DENND4C: variants seen among roughly 807,000 people sequenced by gnomAD.
DENND4C encodes DENN domain-containing protein 4C.
DENND4C carries 108 observed loss-of-function variants against 203.0 expected under a neutral mutation model. The ratio of observed to expected loss-of-function variants is 0.53; its 90% CI spans 0.46 to 0.62. DENND4C has a LOEUF of 0.62. Among genes scored for constraint, DENND4C ranks in the 20% least tolerant of loss-of-function variants. The probability of loss-of-function intolerance (pLI) is 0.00; values close to 1 mark genes in which losing one functional copy is unlikely to be tolerated. For synonymous variants in DENND4C, 871 were observed against 792.4 expected (o/e 1.10, Z -1.67); for missense variants, 2,481 against 2,301.2 (o/e 1.08, Z -1.60).
Position 19,346,932 on chromosome 9 carries a change from G to T in DENND4C, c.4163G>T (p.Gly1388Val). The T allele has an allele frequency of 1.2e-6, 2 of 1,614,128 alleles. No individual in the cohort carries two copies. The highest frequency in any genetic ancestry group is 1.7e-6 in the Non-Finnish European group (2 of 1,180,016). Reference protein sequence around the residue: ...LVRSSPHGSLGSVVNSLSGLK... With the variant: ...LVRSSPHGSLVSVVNSLSGLK... ...CGTTCTTCGCCACATGGCTCGTTGGGTTCTGTAGTAAATTCTTTGTCAGGG... is the reference window on the plus strand; with the variant it reads ...CGTTCTTCGCCACATGGCTCGTTGGTTTCTGTAGTAAATTCTTTGTCAGGG... Residue 1388 changes from glycine (G) to valine (V), a missense_variant, in exon 23 of 33, where the codon GGT becomes GTT. Gly to Val is a moderately radical substitution (Grantham distance 109). Transcript: ENST00000434457.
intron 1 of DENND4C, among the ~76,000 whole-genome samples, chr9:19,240,133 G>T (rs774927364): frequency 6.6e-5 from 10 of 151,874 alleles, no homozygotes; most frequent in Non-Finnish European, 1.3e-4. Context: ...TTTAACTAGG[G>T]GGATACATTC....
intron 6 of DENND4C, 55 bp from the exon 7 acceptor site, chr9:19,298,001 C>T (rs1329794280): frequency 7.4e-7 from 1 of 1,354,892 alleles, no homozygotes; most frequent in Non-Finnish European, 1.0e-6. Flanking sequence ...TTGTTAAAAA[C>T]TGTGATGCAT....
chr9:19,254,581 G>T lies in DENND4C; in HGVS notation c.-17-21577G>T, dbSNP rs1240778363. ...CATACAAGGGTGGTTGCTAGTGCCT[G>T]GGGAGGAGGTAGGGGAAATAGGGAG... On this transcript the variant is annotated intron_variant, in intron 1 of 32. Coordinates refer to ENST00000434457, the MANE Select transcript of DENND4C (RefSeq NM_001330640.2). 2.6e-5 allele frequency among the ~76,000 whole-genome samples: 4 copies of T among 152,148 alleles called. No homozygotes were observed. The East Asian group carries it at 5.8e-4, about 22-fold the overall frequency.
chr9:19,332,517 A>ATTTTT (rs11310338), intron 17 of DENND4C, among the ~76,000 whole-genome samples: 2 of 130,208 alleles, frequency 1.5e-5, no homozygotes, highest in African/African-American at 2.9e-5. Flanking sequence ...TACCTGGCTA[A>ATTTTT]TTTTTTTTTT....
At chr9:19,329,516 A>G (rs1030931208) in intron 16 of DENND4C, among the ~76,000 whole-genome samples, 4 of 152,208 alleles carry the variant, frequency 2.6e-5, no homozygotes, top group African/African-American at 2.4e-5. Context: ...ACATTTGTGT[A>G]TAAGTGTTAA....
rs1828986789 is a variant in DENND4C at position 19,372,318 on chromosome 9, T to G, written c.*145T>G. 2.1e-6 allele frequency: 2 copies of G among 971,406 alleles called. No homozygotes were observed. The highest frequency in any genetic ancestry group is 3.0e-6 in the Non-Finnish European group (2 of 671,478). The allele number at this position is 971,406 out of a possible 1,614,324, so 60.2% of individuals were successfully genotyped here. On this transcript the variant is annotated 3_prime_UTR_variant, in exon 33 of 33. Coordinates refer to ENST00000434457, the MANE Select transcript of DENND4C (RefSeq NM_001330640.2). ...GGGACAATATATAATGAATTATGATTCATATTGCATTACCTTGAAATATGA... is the reference window on the plus strand; with the variant it reads ...GGGACAATATATAATGAATTATGATGCATATTGCATTACCTTGAAATATGA...
At position 19,290,768 on chromosome 9, in the gene DENND4C, T is replaced by C. The variant is rs1836136919; in HGVS notation, c.693T>C (p.Pro231=). Residue 231 remains proline (P), a synonymous_variant, in exon 5 of 33, where the codon CCT becomes CCC. Coordinates refer to ENST00000434457, the MANE Select transcript of DENND4C (RefSeq NM_001330640.2). ...ESFPLSESDV[P]LFCLPMGATI... is the part of the protein sequence containing the mutation. ...TTCCACTCTCAGAATCAGATGTACC[T>C]CTTTTCTGCCTTCCTATGGGAGCTA... is the stretch of plus-strand genomic sequence containing the variant. 1 of 1,603,338 alleles carries C rather than the reference T, an allele frequency of 6.2e-7. No individual in the cohort carries two copies. The highest frequency in any genetic ancestry group is 8.5e-7 in the Non-Finnish European group (1 of 1,174,292).
chr9:19,235,078 C>T (rs1221297647), intron 1 of DENND4C, among the ~76,000 whole-genome samples: 1 of 151,794 alleles, frequency 6.6e-6, no homozygotes, highest in Non-Finnish European at 1.5e-5. Flanking sequence ...ATTCTCCCTG[C>T]CTCAGGGTCC....
intron 5 of DENND4C, among the ~76,000 whole-genome samples, chr9:19,293,806 G>A (rs1050045365): frequency 3.3e-5 from 5 of 152,172 alleles, no homozygotes; most frequent in African/African-American, 4.8e-5. Context: ...CCTGTAATGG[G>A]GAACTTTTGA....
intron 1 of DENND4C, among the ~76,000 whole-genome samples, chr9:19,262,811 C>T (rs1329912857): frequency 6.6e-6 from 1 of 152,104 alleles, no homozygotes; most frequent in Non-Finnish European, 1.5e-5. Context: ...TCAAGTGATC[C>T]ACCTGCCTTG....
At chr9:19,366,117 T>A (rs1382841596) in intron 30 of DENND4C, among the ~76,000 whole-genome samples, 1 of 152,164 alleles carries the variant, frequency 6.6e-6, no homozygotes, top group South Asian at 2.1e-4. Context: ...ACGAAAACAA[T>A]CTTGAAAAAG....
chr9:19,357,507 A>G (rs551157117), intron 27 of DENND4C: 9 of 253,774 alleles, frequency 3.5e-5, no homozygotes, highest in East Asian at 9.6e-5. Context: ...TTGAGACTCT[A>G]TTGTATGCTA....
At chr9:19,331,837 C>A in intron 16 of DENND4C, 141 bp from the exon 17 acceptor site, 1 of 663,508 alleles carries the variant, frequency 1.5e-6, no homozygotes, top group Non-Finnish European at 2.5e-6. Context: ...AAGCAGGAAG[C>A]CACTCACAAA....
At chr9:19,251,761 TAAAACGTAACAAG>T (rs1163141843) in intron 1 of DENND4C, among the ~76,000 whole-genome samples, 2 of 152,218 alleles carry the variant, frequency 1.3e-5, no homozygotes. Flanking sequence ...GTCTGTTTGC[TAAAACGTAACAAG>T]AGTCACCTTT....
intron 16 of DENND4C, among the ~76,000 whole-genome samples, chr9:19,330,663 G>A (rs1434481345): frequency 6.6e-6 from 1 of 151,196 alleles, no homozygotes; most frequent in African/African-American, 2.4e-5. Context: ...TTAGAACATA[G>A]ACTAGCAAGG....
At position 19,256,138 on chromosome 9, in the gene DENND4C, A is replaced by G. The variant is rs149419300; in HGVS notation, c.-17-20020A>G. Reference sequence around the variant, plus strand: ...AGCCATAAAACAAGTCTTGATAACTATGAAAGAATTTGGGTTATACAAAGT... The same window carrying G: ...AGCCATAAAACAAGTCTTGATAACTGTGAAAGAATTTGGGTTATACAAAGT... On this transcript the variant is annotated intron_variant, in intron 1 of 32. Coordinates refer to ENST00000434457, the MANE Select transcript of DENND4C (RefSeq NM_001330640.2). Among the ~76,000 whole-genome samples the G allele has an allele frequency of 4.7e-3, 717 of 152,178 alleles. 4 individuals carry two copies. Among genetic ancestry groups the G allele is most frequent in the Non-Finnish European group, 6.8e-3 (463 of 67,994 alleles).
intron 1 of DENND4C, among the ~76,000 whole-genome samples, chr9:19,244,663 C>T (rs1426706938): frequency 6.6e-6 from 1 of 151,642 alleles, no homozygotes; most frequent in African/African-American, 2.4e-5. Context: ...TCGCTTGAAC[C>T]CGGGAGGTGG....
In DENND4C at chr9:19,345,914, CT is replaced by C; in HGVS notation, c.3152-3del. ...GTTCATTGTTAATATTTTACTTTCCCTTTTAGGTAGTATATCAAATGTGCTG... is the reference window on the plus strand; with the variant it reads ...GTTCATTGTTAATATTTTACTTTCCCTTTAGGTAGTATATCAAATGTGCTG... On this transcript the variant is annotated splice_polypyrimidine_tract_variant and splice_region_variant and intron_variant, in intron 22 of 32. Transcript: ENST00000434457. 6.3e-7 allele frequency: 1 copy of C among 1,593,764 alleles called. No homozygotes were observed. Among genetic ancestry groups the C allele is most frequent in the South Asian group, 1.1e-5 (1 of 87,316 alleles).
intron 27 of DENND4C, chr9:19,357,387 A>G: frequency 2.2e-6 from 1 of 459,556 alleles, no homozygotes; most frequent in South Asian, 3.3e-5. Context: ...ACTTCTCAAC[A>G]GTAAAATATT....
Sources: allele counts gnomAD v4.1 joint callset (sites outside exome capture counted in the v4.1 genomes callset), GRCh38; gene constraint gnomAD v4.1.1; transcripts MANE v1.5; gene names NCBI Gene and HGNC (gene_info 2026-07-23, HGNC 2026-07-21).